Variants in EIF4G2 observed in about 807,000 individuals in gnomAD.
The protein encoded by EIF4G2 is eukaryotic translation initiation factor 4 gamma 2, also known as DAP-5.
A neutral mutation model predicts 117.7 loss-of-function variants in EIF4G2; 8 were observed. The observed-to-expected ratio is 0.07, with a 90% CI of 0.04 to 0.12. The LOEUF is 0.12. EIF4G2 is among the 10% of genes least tolerant of loss of function. The probability of loss-of-function intolerance (pLI) is 1.00; values close to 1 mark genes in which losing one functional copy is unlikely to be tolerated. For synonymous variants in EIF4G2, 413 were observed against 367.8 expected, an observed-to-expected ratio of 1.12 and a Z score of -1.41; for missense variants, 812 against 1,086.2, an observed-to-expected ratio of 0.75 and a Z score of 3.55.
In EIF4G2 at chr11:10,803,890, C is replaced by G; in HGVS notation, c.702+9G>C. 6.2e-7 allele frequency: 1 copy of G among 1,605,406 alleles called. No homozygotes were observed. Among genetic ancestry groups the G allele is most frequent in the Non-Finnish European group, 8.5e-7 (1 of 1,173,998 alleles). On this transcript the variant is annotated intron_variant, in intron 8 of 21. Transcript: ENST00000339995. The surrounding 1 kb of genome is among the most constrained non-coding windows in gnomAD (Gnocchi z 4.0). ...GACTACATTCGCCTAACTTCCCTGT[C>G]ACACTTACTGTTTTGATGCACTTAT...
Position 10,799,555 on chromosome 11 carries a change from G to A in EIF4G2, c.2321C>T (p.Thr774Ile). The A allele has an allele frequency of 6.2e-7, 1 of 1,613,492 alleles. No homozygotes were observed. Among genetic ancestry groups the A allele is most frequent in the Non-Finnish European group, 8.5e-7 (1 of 1,179,634 alleles). Reference sequence around the variant, plus strand: ...TGCAGAAAACCATTCGTCTTACCTAGTCATTAAGATGTTCACAAATCCTTT... The same window carrying A: ...TGCAGAAAACCATTCGTCTTACCTAATCATTAAGATGTTCACAAATCCTTT... Residue 774 changes from threonine to isoleucine, a missense_variant, in exon 19 of 22, where the codon ACT (threonine) becomes ATT (isoleucine). Coordinates refer to ENST00000339995, the MANE Select transcript of EIF4G2 (RefSeq NM_001418.4).
At chr11:10,807,509 A>C in intron 1 of EIF4G2, 128 bp from the exon 2 acceptor site, 2 of 1,320,538 alleles carry the variant, frequency 1.5e-6, no homozygotes, top group Non-Finnish European at 1.9e-6. Flanking sequence ...CTAACCTAAA[A>C]TGTACTCAAA....
intron 21 of EIF4G2, 109 bp downstream of exon 21, chr11:10,798,880 AACT>A: frequency 7.7e-7 from 1 of 1,290,826 alleles, no homozygotes; most frequent in South Asian, 1.5e-5. Flanking sequence ...GGTGAAGACA[AACT>A]ACTAACTAGG....
rs1240400991 is a variant in EIF4G2, at chr11:10,797,081, T to C, written c.*735A>G. On this transcript the variant is annotated 3_prime_UTR_variant, in exon 22 of 22. Coordinates refer to ENST00000339995, the MANE Select transcript of EIF4G2 (RefSeq NM_001418.4). The surrounding 1 kb of genome is among the most constrained non-coding windows in gnomAD (Gnocchi z 4.5). ...AAGTATCACAATGTTTATTGATAGATACAAGTATATAAAATCAGGGCATGA... is the reference window on the plus strand; with the variant it reads ...AAGTATCACAATGTTTATTGATAGACACAAGTATATAAAATCAGGGCATGA... 3.3e-5 allele frequency: 5 copies of C among 152,608 alleles called. No homozygotes were observed. The highest frequency in any genetic ancestry group is 1.2e-4 in the African/African-American group (5 of 41,440). The allele number at this position is 152,608 out of a possible 1,614,324, so 9.5% of individuals were successfully genotyped here. A position where few individuals can be genotyped will look rare whatever the true frequency, so the allele number is the denominator to read the frequency against.
chr11:10,797,604 T>C lies in EIF4G2; in HGVS notation c.*212A>G. On this transcript the variant is annotated 3_prime_UTR_variant, in exon 22 of 22. Coordinates refer to ENST00000339995, the MANE Select transcript of EIF4G2 (RefSeq NM_001418.4). The surrounding 1 kb of genome is among the most constrained non-coding windows in gnomAD (Gnocchi z 4.5). ...TGCTGCTAATATACTATCTAAACAT[T>C]AAAGATACTCCTAAAATATTTGATG... 1.7e-6 allele frequency: 1 copy of C among 572,352 alleles called. No homozygotes were observed. The highest frequency in any genetic ancestry group is 3.1e-6 in the Non-Finnish European group (1 of 322,566). 35.5% of individuals were successfully genotyped at this position (572,352 alleles called of 1,614,324 possible).
At chr11:10,798,840 A>G in intron 21 of EIF4G2, 152 bp downstream of exon 21, 1 of 918,776 alleles carries the variant, frequency 1.1e-6, no homozygotes, top group Non-Finnish European at 1.6e-6. Flanking sequence ...ACTTAATAAT[A>G]GCTTCAAATA....
intron 3 of EIF4G2, 96 bp downstream of exon 3, chr11:10,806,724 G>C (rs1847582525): frequency 1.5e-6 from 2 of 1,321,794 alleles, no homozygotes; most frequent in Non-Finnish European, 2.2e-6. Flanking sequence ...TTAAGATTAG[G>C]AGTCTTGATG....
chr11:10,808,376 G>A, intron 1 of EIF4G2: 3 of 1,230,256 alleles, frequency 2.4e-6, no homozygotes, highest in Admixed American at 2.8e-5. Context: ...CCGCCACGGC[G>A]CTAGCGGTCC....
intron 1 of EIF4G2, chr11:10,808,475 G>A (rs1288064611): frequency 4.0e-6 from 5 of 1,253,330 alleles, no homozygotes; most frequent in Non-Finnish European, 5.1e-6. Context: ...GGCCATGACC[G>A]CACGGCGGCC....
In EIF4G2 at chr11:10,803,570, T is replaced by A. The variant is rs369347657; in HGVS notation, c.723A>T (p.Arg241Ser). The change falls in exon 9 of 22, where the codon AGA becomes AGT. Residue 241 changes from arginine (R) to serine (S), a missense_variant. Arg to Ser is a moderately radical substitution (Grantham distance 110). Around this residue, in one of 4 missense-constraint regions of EIF4G2, gnomAD observed 154 missense variants for 322.1 expected, o/e 0.48. Transcript: ENST00000339995. This position sits in a 1 kb window ranked among gnomAD's most constrained non-coding sequence, Gnocchi z 4.0. ...CCTCTCCCATATCTTTGAGTTGGAC[T>A]CTCTTCTTCTTTTCCAAAAGCTACA... The A allele has an allele frequency of 3.1e-6, 5 of 1,613,928 alleles. No homozygotes were observed. The highest frequency in any genetic ancestry group is 4.2e-6 in the Non-Finnish European group (5 of 1,179,970).
intron 1 of EIF4G2, 109 bp from the exon 2 acceptor site, chr11:10,807,490 T>G: frequency 7.3e-7 from 1 of 1,365,660 alleles, no homozygotes. Context: ...GCATTGCAGA[T>G]CTGTAAGACT....
rs1236671224 is a variant in EIF4G2 at position 10,799,048 on chromosome 11, C to T, written c.2602G>A (p.Ala868Thr). 10 of 1,611,906 alleles carry T rather than the reference C, an allele frequency of 6.2e-6. No homozygotes were observed. The highest frequency in any genetic ancestry group is 7.6e-6 in the Non-Finnish European group (9 of 1,179,606). Residue 868 changes from alanine (A) to threonine (T), a missense_variant, in exon 21 of 22, where the codon GCT (alanine) becomes ACT (threonine). Physicochemically the swap from Ala to Thr is moderately conservative, Grantham distance 58. Coordinates refer to ENST00000339995, the MANE Select transcript of EIF4G2 (RefSeq NM_001418.4). Reference sequence around the variant, plus strand: ...TCTTGGGTTATATCTTCTTTCCAAGCCAAGAAAGCTTCTTCTTCAATAATT... The same window carrying T: ...TCTTGGGTTATATCTTCTTTCCAAGTCAAGAAAGCTTCTTCTTCAATAATT...
rs1288709373 is a variant in EIF4G2 at position 10,799,265 on chromosome 11, G to A, written c.2484C>T (p.Val828=). 6.2e-7 allele frequency: 1 copy of A among 1,614,012 alleles called. No individual in the cohort carries two copies. Among genetic ancestry groups the A allele is most frequent in the Non-Finnish European group, 8.5e-7 (1 of 1,180,046 alleles). ...GCACCTGGAGAGCATACAGGGCACT[G>A]ACTTGTAGATCAACGTGATCATGAA... Residue 828 remains valine (V), a synonymous_variant, in exon 20 of 22, where the codon GTC becomes GTT. Coordinates refer to ENST00000339995, the MANE Select transcript of EIF4G2 (RefSeq NM_001418.4).
At chr11:10,801,608 A>G (rs1847420306) in intron 14 of EIF4G2, 53 bp downstream of exon 14, 1 of 1,518,442 alleles carries the variant, frequency 6.6e-7, no homozygotes, top group Non-Finnish European at 9.1e-7. Context: ...TCATCGGGCA[A>G]TAAATTTCTG....
chr11:10,806,949 T>C (rs1847592353), intron 2 of EIF4G2, 64 bp from the exon 3 acceptor site: 1 of 1,564,352 alleles, frequency 6.4e-7, no homozygotes, highest in South Asian at 1.1e-5. Context: ...AGAATAAGCA[T>C]CTATTTTGTG....
rs376914067 is a variant in EIF4G2, at chr11:10,807,302, G to A, written c.-7C>T. ...CTGCAATCGCACTCTCCACTTTGGC[G>A]GCTTGACAACGAAGAATCTTCAAAA... On this transcript the variant is annotated 5_prime_UTR_variant, in exon 2 of 22. Transcript: ENST00000339995. 6.2e-7 allele frequency: 1 copy of A among 1,613,782 alleles called. No individual in the cohort carries two copies. The highest frequency in any genetic ancestry group is 1.3e-5 in the African/African-American group (1 of 74,894).
chr11:10,802,470 C>T (rs760316193), intron 11 of EIF4G2, 35 bp from the exon 12 acceptor site: 1 of 1,521,136 alleles, frequency 6.6e-7, no homozygotes, highest in Admixed American at 2.3e-5. Context: ...CTTTTTGTCT[C>T]TGGACACTAT....
In EIF4G2 at chr11:10,801,065, G is replaced by A. The variant is rs1847403140; in HGVS notation, c.1436C>T (p.Ser479Leu). The A allele has an allele frequency of 3.7e-6, 6 of 1,614,096 alleles. No individual in the cohort carries two copies. The highest frequency in any genetic ancestry group is 2.7e-5 in the African/African-American group (2 of 75,050). ...CACTTGATTTTTATTCATTAGGAAC[G>A]ACTGAGCAGGCCTCAGGCTAATCTG... The change falls in exon 15 of 22, where the codon TCG (serine) becomes TTG (leucine). Residue 479 changes from serine (S) to leucine (L), a missense_variant. By Grantham distance (145) the Ser-to-Leu change is moderately radical. Coordinates refer to ENST00000339995, the MANE Select transcript of EIF4G2 (RefSeq NM_001418.4).
chr11:10,799,523 T>C lies in EIF4G2; in HGVS notation c.2324+29A>G, dbSNP rs767848694. 3.1e-6 allele frequency: 5 copies of C among 1,610,264 alleles called. No homozygotes were observed. The African/African-American group carries it at 5.4e-5, about 17-fold the overall frequency. ...GCTTCTTTTCCAGTACATGAAACAT[T>C]ACCATATGCAGAAAACCATTCGTCT... On this transcript the variant is annotated intron_variant, in intron 19 of 21. Coordinates refer to ENST00000339995, the MANE Select transcript of EIF4G2 (RefSeq NM_001418.4).
Sources: gnomAD v4.1 joint callset for allele counts on GRCh38, gnomAD v4.1.1 for gene constraint, gnomAD v4.1.1 regional missense constraint, Gnocchi (gnomAD v3.1) non-coding constraint, MANE v1.5 for transcripts, NCBI Gene and HGNC (gene_info 2026-07-23, HGNC 2026-07-21) for gene names.